TCF4: variants seen among roughly 807,000 people sequenced by gnomAD.
TCF4 encodes SL3-3 enhancer factor 2.
TCF4 carries 3 observed loss-of-function variants against 82.1 expected under a neutral mutation model. The observed-to-expected ratio is 0.04, with a 90% confidence interval of 0.02 to 0.09. The LOEUF (loss-of-function observed/expected upper bound fraction) is 0.09, where lower values mean the gene tolerates loss of function less well. Among genes scored for constraint, TCF4 ranks in the 10% least tolerant of loss-of-function variants. The probability of loss-of-function intolerance (pLI) is 1.00; values close to 1 mark genes in which losing one functional copy is unlikely to be tolerated. For missense variants in TCF4, 518 were observed against 852.7 expected (o/e 0.61, Z 4.89); for synonymous variants, 276 against 309.6 (o/e 0.89, Z 1.14).
chr18:55,349,113 T>C (rs551131125), intron 8 of TCF4, among the ~76,000 whole-genome samples: 27 of 152,286 alleles, frequency 1.8e-4, no homozygotes, highest in African/African-American at 6.0e-4. Context: ...AAGTGACTTA[T>C]TGCTAGTTGA....
intron 8 of TCF4, among the ~76,000 whole-genome samples, chr18:55,287,305 C>T (rs1168544897): frequency 6.6e-6 from 1 of 152,180 alleles, no homozygotes; most frequent in Non-Finnish European, 1.5e-5. Flanking sequence ...CATATCTATA[C>T]ACCCCATCAC....
At chr18:55,400,756 C>T (rs1049109430) in intron 6 of TCF4, 10 of 294,724 alleles carry the variant, frequency 3.4e-5, no homozygotes, top group African/African-American at 1.7e-4. Context: ...TCCAGGACAG[C>T]GCTTTGCTAC....
At position 55,586,158 on chromosome 18, in the gene TCF4, GCAGCAGC is replaced by G. The variant is rs2097646621; in HGVS notation, c.73-813_73-807del. On this transcript the variant is annotated intron_variant, in intron 2 of 19. Coordinates refer to ENST00000354452, the MANE Select transcript of TCF4 (RefSeq NM_001083962.2). Reference sequence around the variant, plus strand: ...AGAAGGAGGAGGAGGAGGAGGAGCAGCAGCAGCAGCAGCAGCAGCAGCAGCAGCAGCA... The same window carrying G: ...AGAAGGAGGAGGAGGAGGAGGAGCAGAGCAGCAGCAGCAGCAGCAGCAGCA... 5.7e-4 allele frequency: 68 copies of G among 119,140 alleles called. 1 individual carries two copies. The African/African-American group carries it at 9.0e-3, about 16-fold the overall frequency. 7.4% of individuals were successfully genotyped at this position (119,140 alleles called of 1,614,324 possible).
At chr18:55,233,984 G>A (rs1022360035) in intron 16 of TCF4, among the ~76,000 whole-genome samples, 1 of 151,932 alleles carries the variant, frequency 6.6e-6, no homozygotes, top group Admixed American at 6.6e-5. Context: ...AATGTGAAGG[G>A]ACTGAGAAGA....
Position 55,269,872 on chromosome 18 carries a change from G to T in TCF4, c.881C>A (p.Ser294Tyr). The change falls in exon 11 of 20, where the codon TCT becomes TAT. Residue 294 changes from serine to tyrosine, a missense_variant. This residue lies in a region of TCF4 where 211 missense variants were observed against 327.4 expected (regional missense o/e 0.64). Coordinates refer to ENST00000354452, the MANE Select transcript of TCF4 (RefSeq NM_001083962.2). ...CCCGTTGGCAGGAGGCGTACAGGAA[G>T]AGGTGCTGTAATGGTTTGTACCACT... ...HRSGTNHYST[S>Y]SCTPPANGTD... 1 of 1,613,358 alleles carries T rather than the reference G, an allele frequency of 6.2e-7. No individual in the cohort carries two copies. The highest frequency in any genetic ancestry group is 8.5e-7 in the Non-Finnish European group (1 of 1,179,516).
intron 5 of TCF4, among the ~76,000 whole-genome samples, chr18:55,412,473 T>G (rs1351596150): frequency 3.3e-5 from 5 of 152,086 alleles, no homozygotes; most frequent in African/African-American, 1.2e-4. Flanking sequence ...TCAGACCCAC[T>G]GGCCCGCTGC....
chr18:55,589,931 T>G, upstream of TCF4: 1 of 695,916 alleles, frequency 1.4e-6, no homozygotes, highest in Non-Finnish European at 1.8e-6. Flanking sequence ...GCGGTGCTGG[T>G]CGACCACGCC....
At chr18:55,427,750 A>G (rs1187810335) in intron 5 of TCF4, among the ~76,000 whole-genome samples, 3 of 152,224 alleles carry the variant, frequency 2.0e-5, no homozygotes, top group Admixed American at 6.5e-5. Flanking sequence ...GTTCACCACT[A>G]TATTCACATA....
chr18:55,281,965 A>C (rs2062700812), intron 8 of TCF4, among the ~76,000 whole-genome samples: 2 of 152,022 alleles, frequency 1.3e-5, no homozygotes, highest in South Asian at 4.1e-4. Flanking sequence ...TGTTTTAGCC[A>C]ATTGAAGACT....
intron 15 of TCF4, among the ~76,000 whole-genome samples, chr18:55,246,879 T>C (rs2053421338): frequency 6.6e-6 from 1 of 152,190 alleles, no homozygotes; most frequent in South Asian, 2.1e-4. Context: ...AACAAGATAG[T>C]AGCTATTGAA....
chr18:55,622,336 G>A (rs1057344378), intron 2 of TCF4, among the ~76,000 whole-genome samples: 5 of 150,628 alleles, frequency 3.3e-5, no homozygotes, highest in East Asian at 2.0e-4. Context: ...GTGAAACCCC[G>A]TCTCTACTAA....
At chr18:55,620,003 G>T (rs2097716068) in intron 2 of TCF4, among the ~76,000 whole-genome samples, 1 of 152,092 alleles carries the variant, frequency 6.6e-6, no homozygotes, top group Non-Finnish European at 1.5e-5. Context: ...GAACTGTGGG[G>T]GTGGTTTCCT....
At chr18:55,523,920 C>T (rs930219730) in intron 3 of TCF4, among the ~76,000 whole-genome samples, 3 of 152,046 alleles carry the variant, frequency 2.0e-5, no homozygotes, top group Non-Finnish European at 4.4e-5. Flanking sequence ...ACCAATATTC[C>T]AATTGTTCTA....
At chr18:55,491,218 G>C (rs554088736) in intron 3 of TCF4, among the ~76,000 whole-genome samples, 2 of 152,228 alleles carry the variant, frequency 1.3e-5, no homozygotes, top group South Asian at 4.1e-4. Context: ...TTATTTATGA[G>C]AAAAAGTTGG....
At chr18:55,264,382 G>C (rs1403636237) in intron 11 of TCF4, among the ~76,000 whole-genome samples, 1 of 152,150 alleles carries the variant, frequency 6.6e-6, no homozygotes, top group Non-Finnish European at 1.5e-5. Flanking sequence ...AAATTTCAAA[G>C]CAGTTTACTG....
At chr18:55,440,672 T>G (rs1484672376) in intron 5 of TCF4, among the ~76,000 whole-genome samples, 3 of 152,218 alleles carry the variant, frequency 2.0e-5, no homozygotes, top group Non-Finnish European at 4.4e-5. Context: ...TTCTTCTTTT[T>G]GGCACTCTTA....
chr18:55,256,283 T>C, intron 14 of TCF4, among the ~76,000 whole-genome samples: 1 of 152,132 alleles, frequency 6.6e-6, no homozygotes, highest in Admixed American at 6.6e-5. Context: ...TTTACAGTTC[T>C]ATAGTTGGAC....
chr18:55,453,797 TATA>T (rs1449546097), intron 5 of TCF4, among the ~76,000 whole-genome samples: 1 of 150,240 alleles, frequency 6.7e-6, no homozygotes, highest in East Asian at 1.9e-4. Flanking sequence ...TCAAATTATT[TATA>T]ATAATAATAG....
intron 5 of TCF4, among the ~76,000 whole-genome samples, chr18:55,428,818 T>C (rs2095083157): frequency 6.6e-6 from 1 of 152,196 alleles, no homozygotes; most frequent in South Asian, 2.1e-4. Flanking sequence ...ATCCCTTAGT[T>C]GGAGCCTTAT....
Sources: allele counts gnomAD v4.1 joint callset (sites outside exome capture counted in the v4.1 genomes callset), GRCh38; gene constraint gnomAD v4.1.1; regional missense constraint gnomAD v4.1.1; transcripts MANE v1.5; gene names NCBI Gene and HGNC (gene_info 2026-07-23, HGNC 2026-07-21).